TECRL: variants seen among roughly 807,000 people sequenced by gnomAD.
TECRL encodes the protein trans-2,3-enoyl-CoA reductase-like.
A neutral mutation model predicts 52.8 loss-of-function variants in TECRL; 63 were observed. The ratio of observed to expected loss-of-function variants is 1.19; its 90% confidence interval spans 0.97 to 1.47. TECRL has a LOEUF of 1.47. TECRL is among the 40% of genes most tolerant of loss of function. The pLI is 0.00. For synonymous variants in TECRL, 164 were observed against 141.9 expected (o/e 1.16, Z -1.10); for missense variants, 482 against 429.6 (o/e 1.12, Z -1.08).
At chr4:64,348,291 A>G (rs1029414235) in intron 2 of TECRL, among the ~76,000 whole-genome samples, 4 of 152,222 alleles carry the variant, frequency 2.6e-5, no homozygotes, top group African/African-American at 2.4e-5. Context: ...GGAAACTGCC[A>G]TTTATGAAAC....
chr4:64,300,322 G>T (rs1723942755), intron 7 of TECRL, among the ~76,000 whole-genome samples: 1 of 150,508 alleles, frequency 6.6e-6, no homozygotes, highest in African/African-American at 2.4e-5. Context: ...CTTAAGTATG[G>T]CCAAGCATAT....
chr4:64,336,506 C>T (rs187914702), intron 2 of TECRL, among the ~76,000 whole-genome samples: 1 of 152,212 alleles, frequency 6.6e-6, no homozygotes, highest in African/African-American at 2.4e-5. Flanking sequence ...TCTCTATCTC[C>T]TTCAGTTCTG....
chr4:64,351,657 C>G (rs1720397259), intron 2 of TECRL, among the ~76,000 whole-genome samples: 1 of 152,060 alleles, frequency 6.6e-6, no homozygotes, highest in Non-Finnish European at 1.5e-5. Flanking sequence ...CTGACTTGAC[C>G]ATTACAAATT....
chr4:64,349,701 T>C (rs1368213500), intron 2 of TECRL, among the ~76,000 whole-genome samples: 3 of 152,164 alleles, frequency 2.0e-5, no homozygotes, highest in Non-Finnish European at 4.4e-5. Context: ...GAGTAAGTCT[T>C]AGGAATATAT....
intron 8 of TECRL, among the ~76,000 whole-genome samples, chr4:64,293,521 G>A (rs1033079840): frequency 2.0e-5 from 3 of 152,056 alleles, no homozygotes; most frequent in Non-Finnish European, 4.4e-5. Flanking sequence ...CAGCAATAAA[G>A]TTGCTCATCT....
intron 2 of TECRL, among the ~76,000 whole-genome samples, 177 bp downstream of exon 2, chr4:64,374,995 A>C (rs1722294124): frequency 6.6e-6 from 1 of 152,144 alleles, no homozygotes; most frequent in Non-Finnish European, 1.5e-5. Context: ...AGGATCAATT[A>C]GAGTTAAATG....
intron 1 of TECRL, among the ~76,000 whole-genome samples, chr4:64,378,816 A>C (rs1722576634): frequency 6.6e-6 from 1 of 152,038 alleles, no homozygotes; most frequent in South Asian, 2.1e-4. Context: ...TTCTCTTCAG[A>C]TCATATAAAT....
chr4:64,330,071 G>C (rs1718534061), intron 2 of TECRL, among the ~76,000 whole-genome samples: 1 of 151,722 alleles, frequency 6.6e-6, no homozygotes, highest in Non-Finnish European at 1.5e-5. Flanking sequence ...AAAAATCAGA[G>C]AAACATCTAT....
At chr4:64,360,369 C>A in intron 2 of TECRL, among the ~76,000 whole-genome samples, 1 of 152,092 alleles carries the variant, frequency 6.6e-6, no homozygotes, top group East Asian at 1.9e-4. Flanking sequence ...TTTGACAATT[C>A]TTTTCATTAA....
chr4:64,349,052 T>A (rs371278206), intron 2 of TECRL, among the ~76,000 whole-genome samples: 15 of 101,150 alleles, frequency 1.5e-4, no homozygotes, highest in East Asian at 1.3e-3. Flanking sequence ...TACTAGAGGC[T>A]TTTTGGAAAT....
intron 2 of TECRL, among the ~76,000 whole-genome samples, chr4:64,369,702 T>C (rs1279209080): frequency 6.6e-6 from 1 of 152,062 alleles, no homozygotes; most frequent in Non-Finnish European, 1.5e-5. Flanking sequence ...TAAAGATTTT[T>C]ATCTGAAAGA....
At chr4:64,324,393 ATTG>A (rs1351129993) in intron 3 of TECRL, among the ~76,000 whole-genome samples, 3 of 151,946 alleles carry the variant, frequency 2.0e-5, no homozygotes, top group East Asian at 1.9e-4. Flanking sequence ...TAATCCTATT[ATTG>A]TTGTTATTAT....
chr4:64,348,964 G>T (rs1371295709), intron 2 of TECRL, among the ~76,000 whole-genome samples: 1 of 151,334 alleles, frequency 6.6e-6, no homozygotes, highest in Non-Finnish European at 1.5e-5. Flanking sequence ...TACAATGTCT[G>T]GTGCCTCCAA....
chr4:64,391,660 C>T (rs1723558289), intron 1 of TECRL, among the ~76,000 whole-genome samples: 1 of 151,730 alleles, frequency 6.6e-6, no homozygotes, highest in Non-Finnish European at 1.5e-5. Context: ...GACTAGAGAT[C>T]CTAGTATATA....
chr4:64,364,600 G>T (rs1721463971), intron 2 of TECRL, among the ~76,000 whole-genome samples: 1 of 151,660 alleles, frequency 6.6e-6, no homozygotes, highest in Non-Finnish European at 1.5e-5. Context: ...AATACAAAAA[G>T]AAACTCAGAG....
intron 1 of TECRL, among the ~76,000 whole-genome samples, chr4:64,393,883 A>G (rs1184790299): frequency 6.6e-6 from 1 of 152,032 alleles, no homozygotes; most frequent in Non-Finnish European, 1.5e-5. Context: ...ATTTCTGAAG[A>G]GCTAGCTAGC....
intron 1 of TECRL, among the ~76,000 whole-genome samples, chr4:64,385,702 A>C (rs569976357): frequency 6.6e-6 from 1 of 152,146 alleles, no homozygotes; most frequent in African/African-American, 2.4e-5. Context: ...GCAGTGCAGC[A>C]GCTAATTTGA....
chr4:64,330,022 T>G (rs547774801), intron 2 of TECRL, among the ~76,000 whole-genome samples: 1 of 151,184 alleles, frequency 6.6e-6, no homozygotes, highest in African/African-American at 2.4e-5. Flanking sequence ...TTTACTGTAC[T>G]ATTGAGGAAA....
At chr4:64,328,678 C>A in intron 2 of TECRL, 122 bp from the exon 3 acceptor site, 1 of 762,276 alleles carries the variant, frequency 1.3e-6, no homozygotes, top group South Asian at 1.8e-5. Context: ...TATCTAGTGT[C>A]AGAAATAGAA....
Sources: gnomAD v4.1 joint callset for allele counts (sites outside exome capture counted in the v4.1 genomes callset) on GRCh38, gnomAD v4.1.1 for gene constraint, MANE v1.5 for transcripts, NCBI Gene and HGNC (gene_info 2026-07-23, HGNC 2026-07-21) for gene names.